PAPPA: variants seen among roughly 807,000 people sequenced by gnomAD.
PAPPA encodes the protein pappalysin 1.
In PAPPA, 60 loss-of-function variants were observed where a neutral mutation model predicts 164.0. That is an observed-to-expected ratio of 0.37 (90% CI 0.30 to 0.45). The LOEUF (loss-of-function observed/expected upper bound fraction) is 0.45. Ranked by LOEUF, PAPPA falls within the 20% of genes least tolerant of loss-of-function variation. PAPPA has a pLI of 1.00. For synonymous variants in PAPPA, 875 were observed against 814.1 expected, an observed-to-expected ratio of 1.07 and a Z score of -1.27; for missense variants, 1,782 against 2,087.3, an observed-to-expected ratio of 0.85 and a Z score of 2.85.
At chr9:116,159,525 AAG>A (rs1843642793) in intron 1 of PAPPA, among the ~76,000 whole-genome samples, 1 of 152,178 alleles carries the variant, frequency 6.6e-6, no homozygotes, top group East Asian at 1.9e-4. Context: ...CCTCTGTAAT[AAG>A]AGCCAAAGGA....
intron 10 of PAPPA, among the ~76,000 whole-genome samples, chr9:116,324,814 G>T (rs1845901810): frequency 6.6e-6 from 1 of 152,120 alleles, no homozygotes; most frequent in South Asian, 2.1e-4. Context: ...AGAAAGAGTT[G>T]TCCAGCATGA....
chr9:116,336,114 G>T (rs1350923151), intron 13 of PAPPA, among the ~76,000 whole-genome samples: 3 of 152,130 alleles, frequency 2.0e-5, no homozygotes, highest in Non-Finnish European at 4.4e-5. Context: ...GCGCAGAGTT[G>T]CACAGCGTCT....
At chr9:116,263,580 A>G (rs1845028881) in intron 7 of PAPPA, among the ~76,000 whole-genome samples, 1 of 152,208 alleles carries the variant, frequency 6.6e-6, no homozygotes, top group Admixed American at 6.5e-5. Context: ...AATGTTCGTC[A>G]TAGGCTGGGC....
chr9:116,285,175 T>TTTTC (rs1290873363), intron 9 of PAPPA, among the ~76,000 whole-genome samples: 5 of 135,710 alleles, frequency 3.7e-5, no homozygotes, highest in African/African-American at 5.4e-5. Flanking sequence ...TTCTTTCTTT[T>TTTTC]TTTTTTTTTT....
At chr9:116,341,781 T>C (rs1846141421) in intron 13 of PAPPA, among the ~76,000 whole-genome samples, 1 of 152,224 alleles carries the variant, frequency 6.6e-6, no homozygotes, top group South Asian at 2.1e-4. Flanking sequence ...CAGTGGATGA[T>C]GTCTCACCCT....
chr9:116,321,065 T>C, intron 10 of PAPPA, among the ~76,000 whole-genome samples: 1 of 152,012 alleles, frequency 6.6e-6, no homozygotes, highest in African/African-American at 2.4e-5. Flanking sequence ...TCTCACTCTT[T>C]CACCCAGGCC....
At chr9:116,357,007 G>A (rs1846363167) in intron 17 of PAPPA, among the ~76,000 whole-genome samples, 1 of 152,236 alleles carries the variant, frequency 6.6e-6, no homozygotes, top group Non-Finnish European at 1.5e-5. Context: ...CATCCTGCAT[G>A]AGGCCAGGAT....
intron 5 of PAPPA, among the ~76,000 whole-genome samples, chr9:116,221,558 T>C (rs1371625342): frequency 2.0e-5 from 3 of 152,136 alleles, no homozygotes; most frequent in Admixed American, 6.5e-5. Flanking sequence ...AAAAAGAGAA[T>C]TGGAGCTGAA....
intron 2 of PAPPA, among the ~76,000 whole-genome samples, chr9:116,201,897 C>T (rs1351346991): frequency 6.6e-6 from 1 of 152,178 alleles, no homozygotes; most frequent in African/African-American, 2.4e-5. Flanking sequence ...TCACACAAAC[C>T]TTCCTCCAGT....
chr9:116,227,089 A>G (rs1457371655), intron 5 of PAPPA, among the ~76,000 whole-genome samples: 1 of 152,256 alleles, frequency 6.6e-6, no homozygotes, highest in Non-Finnish European at 1.5e-5. Flanking sequence ...AGATTTTCTC[A>G]TAACTACATT....
At chr9:116,324,766 G>C (rs997233644) in intron 10 of PAPPA, among the ~76,000 whole-genome samples, 10 of 152,092 alleles carry the variant, frequency 6.6e-5, no homozygotes, top group East Asian at 1.9e-4. Context: ...GGGGTTCTGG[G>C]CTCCAGCATC....
chr9:116,207,406 G>GC lies in PAPPA; in HGVS notation c.1479-50_1479-49insC, dbSNP rs576214963. The GC allele has an allele frequency of 9.5e-4, 583 of 615,240 alleles. 2 individuals carry two copies. Among genetic ancestry groups the GC allele is most frequent in the Admixed American group, 1.3e-3 (18 of 13,604 alleles). The allele number at this position is 615,240 out of a possible 1,614,324, so 38.1% of individuals were successfully genotyped here. A position where few individuals can be genotyped will look rare whatever the true frequency, so the allele number is the denominator to read the frequency against. ...GCTCTAAATTATTTGGAGAGGGCCT[G>GC]TTATCTTTTTGGGGGCATGATAACA... On this transcript the variant is annotated intron_variant, in intron 2 of 21. Coordinates refer to ENST00000328252, the MANE Select transcript of PAPPA (RefSeq NM_002581.5).
At chr9:116,319,514 CT>C (rs959993640) in intron 10 of PAPPA, among the ~76,000 whole-genome samples, 2 of 152,196 alleles carry the variant, frequency 1.3e-5, no homozygotes, top group Admixed American at 6.5e-5. Flanking sequence ...TGTGAATTTT[CT>C]TTCTCCATTT....
At chr9:116,342,462 A>G (rs570882466) in intron 13 of PAPPA, among the ~76,000 whole-genome samples, 2 of 152,266 alleles carry the variant, frequency 1.3e-5, no homozygotes, top group African/African-American at 2.4e-5. Context: ...AGGGTCTGAG[A>G]CCTAAATTAA....
chr9:116,247,124 G>C (rs1259921481), intron 7 of PAPPA, among the ~76,000 whole-genome samples: 1 of 152,138 alleles, frequency 6.6e-6, no homozygotes, highest in East Asian at 1.9e-4. Flanking sequence ...TAGAGGAAAT[G>C]TGTCTATATC....
chr9:116,301,624 G>C (rs1845580002), intron 9 of PAPPA, among the ~76,000 whole-genome samples: 1 of 152,212 alleles, frequency 6.6e-6, no homozygotes, highest in African/African-American at 2.4e-5. Context: ...TTGTGCTTCT[G>C]TTATCCTTGT....
intron 2 of PAPPA, among the ~76,000 whole-genome samples, chr9:116,190,953 G>A (rs1322816746): frequency 1.3e-5 from 2 of 152,016 alleles, no homozygotes; most frequent in East Asian, 3.9e-4. Flanking sequence ...GCTCTCCTGT[G>A]TGCAGACAGA....
chr9:116,161,709 GAAA>G (rs57639944), intron 1 of PAPPA, among the ~76,000 whole-genome samples: 2 of 103,076 alleles, frequency 1.9e-5, no homozygotes, highest in Admixed American at 1.0e-4. Context: ...AAAAGCTCCA[GAAA>G]AAAAAAAAAA....
intron 18 of PAPPA, among the ~76,000 whole-genome samples, chr9:116,363,919 G>T (rs1376242242): frequency 6.6e-6 from 1 of 152,166 alleles, no homozygotes. Flanking sequence ...GTTTAGCCCA[G>T]GACACTGGCT....
Sources: allele counts gnomAD v4.1 joint callset (sites outside exome capture counted in the v4.1 genomes callset), GRCh38; gene constraint gnomAD v4.1.1; transcripts MANE v1.5; gene names NCBI Gene and HGNC (gene_info 2026-07-23, HGNC 2026-07-21).